ATP11A: variants seen among roughly 807,000 people sequenced by gnomAD.
ATP11A encodes ATPase phospholipid transporting 11A, also known as phospholipid-transporting ATPase IH.
In ATP11A, 81 loss-of-function variants were observed where a neutral mutation model predicts 154.4. The ratio of observed to expected loss-of-function variants is 0.52; its 90% CI spans 0.44 to 0.63. The LOEUF is 0.63. Among genes scored for constraint, ATP11A ranks in the 30% least tolerant of loss-of-function variants. The pLI, the probability that ATP11A is intolerant of heterozygous loss-of-function variation, is 0.00. For synonymous variants in ATP11A, 623 were observed against 585.9 expected (o/e 1.06, Z -0.91); for missense variants, 1,316 against 1,474.3 (o/e 0.89, Z 1.76).
At chr13:112,842,629 G>A (rs2079455043) in intron 17 of ATP11A, among the ~76,000 whole-genome samples, 1 of 152,226 alleles carries the variant, frequency 6.6e-6, no homozygotes. Context: ...CCTTGCACAG[G>A]GTTTTATTTT....
In ATP11A at chr13:112,832,951, C is replaced by T. The variant is rs373524216; in HGVS notation, c.1487C>T (p.Pro496Leu). Residue 496 changes from proline (P) to leucine (L), a missense_variant, in exon 14 of 30, where the codon CCG becomes CTG. Pro to Leu is a moderately conservative substitution (Grantham distance 98). Transcript: ENST00000375645. The stretch of plus-strand genomic sequence containing the variant: ...AGCGTAGACGGCCCCAGGAAATCGC[C>T]GGACGGGGGGAAATCCTGTGTGTAC... Reference protein sequence around the residue: ...DDSVDGPRKSPDGGKSCVYIS... With the variant: ...DDSVDGPRKSLDGGKSCVYIS... 3.7e-5 allele frequency: 60 copies of T among 1,613,840 alleles called. No homozygotes were observed. Among genetic ancestry groups the T allele is most frequent in the East Asian group, 1.3e-4 (6 of 44,876 alleles).
At chr13:112,756,077 C>A (rs1161784991) in intron 1 of ATP11A, among the ~76,000 whole-genome samples, 3 of 152,260 alleles carry the variant, frequency 2.0e-5, no homozygotes, top group African/African-American at 7.2e-5. Flanking sequence ...AGAATCATTT[C>A]CAGTCATGGA....
At position 112,710,327 on chromosome 13, in the gene ATP11A, C is replaced by G. The variant is rs754262; in HGVS notation, c.39+19872C>G. Among the ~76,000 whole-genome samples the G allele has an allele frequency of 5.1e-3, 772 of 152,338 alleles. 6 individuals carry two copies. The highest frequency in any genetic ancestry group is 0.018 in the African/African-American group (733 of 41,564). ...TAATGTAAACTCAAAACCCAATTCA[C>G]CCCTAAGCAAGTGGCCCACACCGTG... On this transcript the variant is annotated intron_variant, in intron 1 of 29. Transcript: ENST00000375645.
intron 4 of ATP11A, among the ~76,000 whole-genome samples, chr13:112,808,040 C>T (rs1343717653): frequency 3.9e-5 from 6 of 152,024 alleles, no homozygotes; most frequent in South Asian, 2.1e-4. Flanking sequence ...GAGAGGAGAG[C>T]GTGGAGTAGG....
At chr13:112,824,270 C>A in intron 9 of ATP11A, 74 bp from the exon 10 acceptor site, 1 of 1,151,082 alleles carries the variant, frequency 8.7e-7, no homozygotes. Context: ...ATTTTCCCCG[C>A]AGCTGTGTGT....
At chr13:112,824,575 T>C in intron 10 of ATP11A, 150 bp downstream of exon 10, 7 of 707,460 alleles carry the variant, frequency 9.9e-6, no homozygotes, top group Non-Finnish European at 1.7e-5. Context: ...AGATGGTCTT[T>C]CTTATTTTGT....
intron 1 of ATP11A, among the ~76,000 whole-genome samples, chr13:112,727,603 T>C (rs1890015242): frequency 6.6e-6 from 1 of 151,640 alleles, no homozygotes; most frequent in Non-Finnish European, 1.5e-5. Context: ...GCTTTTGTTC[T>C]TTGCACGTGA....
intron 29 of ATP11A, 106 bp downstream of exon 29, chr13:112,878,409 C>A: frequency 8.1e-7 from 1 of 1,240,808 alleles, no homozygotes; most frequent in Non-Finnish European, 1.2e-6. Flanking sequence ...CAGCGTCCAC[C>A]AGGCGCTGGG....
chr13:112,764,175 G>A (rs1356221695), intron 1 of ATP11A, among the ~76,000 whole-genome samples: 2 of 152,194 alleles, frequency 1.3e-5, no homozygotes, highest in Non-Finnish European at 2.9e-5. Context: ...GTGGGGTGAT[G>A]GAACCCTGAC....
chr13:112,701,948 G>A (rs1463168814), intron 1 of ATP11A, among the ~76,000 whole-genome samples: 8 of 152,194 alleles, frequency 5.3e-5, no homozygotes, highest in African/African-American at 1.9e-4. Flanking sequence ...GGGGCCTGCG[G>A]TTATCCAGCT....
intron 1 of ATP11A, among the ~76,000 whole-genome samples, chr13:112,779,092 G>C (rs2077427288): frequency 7.7e-6 from 1 of 129,902 alleles, no homozygotes. Flanking sequence ...GGAGTGAGGA[G>C]TAGCCACTGG....
intron 1 of ATP11A, among the ~76,000 whole-genome samples, chr13:112,694,551 G>A (rs539271106): frequency 2.2e-4 from 34 of 152,302 alleles, no homozygotes; most frequent in African/African-American, 7.9e-4. Flanking sequence ...GCATCCCGGC[G>A]TGGGCAGGAT....
chr13:112,701,433 C>T (rs1005734149), intron 1 of ATP11A, among the ~76,000 whole-genome samples: 1 of 152,188 alleles, frequency 6.6e-6, no homozygotes, highest in Non-Finnish European at 1.5e-5. Flanking sequence ...GCCAAGTTCG[C>T]CTGACCTTTG....
At chr13:112,801,600 T>C (rs1021410139) in intron 2 of ATP11A, among the ~76,000 whole-genome samples, 2 of 152,204 alleles carry the variant, frequency 1.3e-5, no homozygotes, top group Non-Finnish European at 2.9e-5. Flanking sequence ...TATAGCATGG[T>C]TGCAGGATGC....
intron 12 of ATP11A, among the ~76,000 whole-genome samples, chr13:112,828,763 T>C (rs937721952): frequency 1.3e-5 from 2 of 152,168 alleles, no homozygotes; most frequent in Non-Finnish European, 2.9e-5. Context: ...CAAAGAAGTG[T>C]GTACTGTTGC....
chr13:112,812,251 C>G (rs1446477394), intron 5 of ATP11A: 1 of 152,220 alleles, frequency 6.6e-6, no homozygotes, highest in Non-Finnish European at 1.5e-5. Context: ...AGGTAGCGGT[C>G]AGCAGCCTGC....
At position 112,842,335 on chromosome 13, in the gene ATP11A, G is replaced by A. The variant is rs1377632452; in HGVS notation, c.1765G>A (p.Gly589Ser). ...DSSIFPRVIE[G>S]KVDQIRARVE... ...TTCGATATTCCCCCGAGTGATAGAA[G>A]GCAAAGTTGACCAGATCCGAGCCAG... Residue 589 changes from glycine (G) to serine (S), a missense_variant, in exon 17 of 30, where the codon GGC becomes AGC. Gly to Ser is a moderately conservative substitution (Grantham distance 56, BLOSUM62 0). This residue lies in a region of ATP11A where 876 missense variants were observed against 1,006.8 expected (regional missense o/e 0.87). Coordinates refer to ENST00000375645, the MANE Select transcript of ATP11A (RefSeq NM_015205.3). 6.2e-7 allele frequency: 1 copy of A among 1,611,734 alleles called. No individual in the cohort carries two copies. Among genetic ancestry groups the A allele is most frequent in the Admixed American group, 1.7e-5 (1 of 59,744 alleles).
At position 112,831,593 on chromosome 13, in the gene ATP11A, C is replaced by T. The variant is rs199525185; in HGVS notation, c.1395+45C>T. ...CCGTCCAAGTGTGTGAGTGAGTGGG[C>T]GGCTGTGCATGCTGAGTCCACCCCT... is the stretch of plus-strand genomic sequence containing the variant. On this transcript the variant is annotated intron_variant, in intron 13 of 29. Transcript: ENST00000375645. The T allele has an allele frequency of 2.5e-4, 396 of 1,594,458 alleles. 1 individual carries two copies. Among genetic ancestry groups the T allele is most frequent in the South Asian group, 4.3e-4 (38 of 88,628 alleles).
Position 112,878,210 on chromosome 13 carries a change from G to A in ATP11A, c.3328-7G>A. On this transcript the variant is annotated splice_polypyrimidine_tract_variant and splice_region_variant and intron_variant, in intron 28 of 29. Transcript: ENST00000375645. Reference sequence around the variant, plus strand: ...CTGTGTGCGTGGCCGCTGACCTCGGGACTAAGACTAAGAGCCAGTGCCTTT... The same window carrying A: ...CTGTGTGCGTGGCCGCTGACCTCGGAACTAAGACTAAGAGCCAGTGCCTTT... The A allele has an allele frequency of 5.0e-6, 8 of 1,614,106 alleles. No individual in the cohort carries two copies. The highest frequency in any genetic ancestry group is 6.8e-6 in the Non-Finnish European group (8 of 1,179,948).
Sources: allele counts gnomAD v4.1 joint callset (sites outside exome capture counted in the v4.1 genomes callset), GRCh38; gene constraint gnomAD v4.1.1; regional missense constraint gnomAD v4.1.1; transcripts MANE v1.5; gene names NCBI Gene and HGNC (gene_info 2026-07-23, HGNC 2026-07-21).